The following ALK variants were observed in gnomAD, a reference collection of about 807,000 sequenced individuals.
ALK encodes ALK receptor tyrosine kinase.
ALK carries 74 observed loss-of-function variants against 163.1 expected under a neutral mutation model. The observed-to-expected ratio is 0.45, with a 90% CI of 0.38 to 0.55. The LOEUF is 0.55. Among genes scored for constraint, ALK ranks in the 20% least tolerant of loss-of-function variants. The pLI is 0.00. For synonymous variants in ALK, 960 were observed against 843.2 expected (o/e 1.14, Z -2.40); for missense variants, 2,063 against 2,105.3 (o/e 0.98, Z 0.39).
chr2:29,416,128 A>G (rs1669870733), intron 4 of ALK, among the ~76,000 whole-genome samples: 1 of 152,186 alleles, frequency 6.6e-6, no homozygotes, highest in Admixed American at 6.5e-5. Flanking sequence ...ATATGCTTTC[A>G]TATGTCTATA....
chr2:29,542,134 T>TA (rs1366779738), intron 3 of ALK, among the ~76,000 whole-genome samples: 4 of 152,222 alleles, frequency 2.6e-5, no homozygotes, highest in African/African-American at 9.6e-5. Context: ...TGTGGGTTAA[T>TA]TTTTCCATGA....
intron 1 of ALK, among the ~76,000 whole-genome samples, chr2:29,840,952 T>C (rs1255118949): frequency 6.6e-6 from 1 of 152,212 alleles, no homozygotes; most frequent in Non-Finnish European, 1.5e-5. Context: ...TGTTATCTTT[T>C]CACCCTCACT....
rs546004059 is a variant in ALK, at chr2:29,636,715, T to C, written c.952+58135A>G. On this transcript the variant is annotated intron_variant, in intron 3 of 28. Transcript: ENST00000389048. ...AACCACACTTCTGAGAAAAGACTAGTATCTAGAATATTTAAAAACCTCAAA... is the reference window on the plus strand; with the variant it reads ...AACCACACTTCTGAGAAAAGACTAGCATCTAGAATATTTAAAAACCTCAAA... Among the ~76,000 whole-genome samples, 6 of 152,314 alleles carry C rather than the reference T, an allele frequency of 3.9e-5. No homozygotes were observed. The South Asian group carries it at 6.2e-4, about 16-fold the overall frequency.
chr2:29,877,588 T>C (rs1371452360), intron 1 of ALK, among the ~76,000 whole-genome samples: 1 of 152,208 alleles, frequency 6.6e-6, no homozygotes, highest in East Asian at 1.9e-4. Context: ...CATTCATTCA[T>C]TCATTCAGTG....
At chr2:29,484,296 G>A (rs1671730488) in intron 4 of ALK, among the ~76,000 whole-genome samples, 1 of 151,986 alleles carries the variant, frequency 6.6e-6, no homozygotes, top group African/African-American at 2.4e-5. Context: ...GCATTCTTGA[G>A]ACAAATCCTA....
At chr2:29,197,987 A>C (rs1186075354) in intron 26 of ALK, among the ~76,000 whole-genome samples, 2 of 152,192 alleles carry the variant, frequency 1.3e-5, no homozygotes, top group Non-Finnish European at 2.9e-5. Context: ...TATATCATAA[A>C]CATTTTCCAT....
intron 5 of ALK, among the ~76,000 whole-genome samples, chr2:29,334,666 A>G (rs570904286): frequency 1.8e-4 from 28 of 152,296 alleles, no homozygotes; most frequent in Admixed American, 6.5e-4. Flanking sequence ...GAAGCACAGC[A>G]GCAGCCCAGA....
chr2:29,590,989 T>G (rs1345970208), intron 3 of ALK, among the ~76,000 whole-genome samples: 1 of 140,206 alleles, frequency 7.1e-6, no homozygotes, highest in Non-Finnish European at 1.5e-5. Flanking sequence ...GAGAATGGCA[T>G]GAACCTGGGA....
At chr2:29,833,796 G>A (rs1431461415) in intron 1 of ALK, among the ~76,000 whole-genome samples, 1 of 152,178 alleles carries the variant, frequency 6.6e-6, no homozygotes, top group Non-Finnish European at 1.5e-5. Flanking sequence ...AGCATCTCAA[G>A]CATGCAGCAT....
At chr2:29,667,609 T>A (rs529516190) in intron 3 of ALK, among the ~76,000 whole-genome samples, 1 of 152,242 alleles carries the variant, frequency 6.6e-6, no homozygotes, top group East Asian at 1.9e-4. Flanking sequence ...TTGTGTATGT[T>A]GAACCATCCT....
At chr2:29,838,120 A>G (rs902321461) in intron 1 of ALK, among the ~76,000 whole-genome samples, 2 of 152,186 alleles carry the variant, frequency 1.3e-5, no homozygotes, top group Non-Finnish European at 2.9e-5. Context: ...ACACTGCAGA[A>G]GAAAAGATTA....
At chr2:29,692,902 A>G (rs1678443925) in intron 3 of ALK, among the ~76,000 whole-genome samples, 1 of 152,264 alleles carries the variant, frequency 6.6e-6, no homozygotes, top group Non-Finnish European at 1.5e-5. Context: ...GGATTAATAT[A>G]GTACCAAAAG....
chr2:29,581,439 G>C (rs1674688035), intron 3 of ALK, among the ~76,000 whole-genome samples: 1 of 152,146 alleles, frequency 6.6e-6, no homozygotes, highest in Non-Finnish European at 1.5e-5. Flanking sequence ...AGCCCGTGCA[G>C]AGCAGCTGCT....
chr2:29,313,705 G>A (rs1666753010), intron 8 of ALK, among the ~76,000 whole-genome samples: 1 of 152,106 alleles, frequency 6.6e-6, no homozygotes, highest in Non-Finnish European at 1.5e-5. Flanking sequence ...TTCATGATCT[G>A]GATGGGGAGC....
chr2:29,833,500 A>C (rs1326251086), intron 1 of ALK, among the ~76,000 whole-genome samples: 2 of 152,238 alleles, frequency 1.3e-5, no homozygotes, highest in Non-Finnish European at 2.9e-5. Flanking sequence ...GCTTTCTAAA[A>C]AAGATGGAAG....
intron 24 of ALK, among the ~76,000 whole-genome samples, chr2:29,212,352 CA>C (rs1669488293): frequency 6.6e-6 from 1 of 152,118 alleles, no homozygotes; most frequent in African/African-American, 2.4e-5. Context: ...AGGACAAGAA[CA>C]GGACTGGGGA....
intron 3 of ALK, among the ~76,000 whole-genome samples, chr2:29,591,070 CAAAAAAAA>C (rs35070273): frequency 4.3e-5 from 2 of 46,910 alleles, no homozygotes; most frequent in Non-Finnish European, 7.2e-5. Context: ...GACTCCGTCT[CAAAAAAAA>C]AAAAAAAAAA....
chr2:29,713,896 C>T (rs1187467757), intron 2 of ALK, among the ~76,000 whole-genome samples: 1 of 151,620 alleles, frequency 6.6e-6, no homozygotes, highest in Non-Finnish European at 1.5e-5. Flanking sequence ...TGGGCAGAAC[C>T]TTTCATCGTC....
At chr2:29,915,440 G>A (rs546448349) in intron 1 of ALK, among the ~76,000 whole-genome samples, 25 of 152,112 alleles carry the variant, frequency 1.6e-4, no homozygotes, top group Non-Finnish European at 2.5e-4. Flanking sequence ...GGCTGATCTC[G>A]AACTCCTGAC....
Sources: allele counts gnomAD v4.1 joint callset (sites outside exome capture counted in the v4.1 genomes callset), GRCh38; gene constraint gnomAD v4.1.1; transcripts MANE v1.5; gene names NCBI Gene and HGNC (gene_info 2026-07-23, HGNC 2026-07-21).